The following MCF2L variants were observed in gnomAD, a reference collection of about 807,000 sequenced individuals.
The protein encoded by MCF2L is guanine nucleotide exchange factor DBS.
A neutral mutation model predicts 153.4 loss-of-function variants in MCF2L; 97 were observed. The ratio of observed to expected loss-of-function variants is 0.63; its 90% CI spans 0.54 to 0.75. The LOEUF is 0.75. Ranked by LOEUF, MCF2L falls within the 30% of genes least tolerant of loss-of-function variation. The pLI is 0.00. For synonymous variants in MCF2L, 659 were observed against 632.2 expected (o/e 1.04, Z -0.64); for missense variants, 1,347 against 1,495.2 (o/e 0.90, Z 1.64).
intron 2 of MCF2L, among the ~76,000 whole-genome samples, chr13:112,911,132 C>T (rs776132179): frequency 5.3e-5 from 8 of 152,200 alleles, no homozygotes; most frequent in Non-Finnish European, 7.3e-5. Context: ...TTCGGGAGCT[C>T]GTCCTGGCGG....
intron 5 of MCF2L, among the ~76,000 whole-genome samples, chr13:113,062,534 C>G (rs74115771): frequency 0.026 from 3,927 of 152,130 alleles, 151 homozygotes; most frequent in African/African-American, 0.08. Flanking sequence ...GTCATCCATG[C>G]CACAGGCTCC....
chr13:112,924,682 C>T (rs2140584034), intron 2 of MCF2L, among the ~76,000 whole-genome samples: 1 of 152,312 alleles, frequency 6.6e-6, no homozygotes, highest in South Asian at 2.1e-4. Context: ...AATGCATACA[C>T]TTAAGGAGCC....
At chr13:112,982,766 T>C (rs2082484133) in intron 1 of MCF2L, among the ~76,000 whole-genome samples, 1 of 152,124 alleles carries the variant, frequency 6.6e-6, no homozygotes, top group Admixed American at 6.5e-5. Context: ...TGGCGTGATG[T>C]CTGTGATCGT....
chr13:112,969,528 TGCG>T lies in MCF2L; in HGVS notation c.79+71_79+73del. 6.5e-7 allele frequency: 1 copy of T among 1,541,864 alleles called. No homozygotes were observed. Among genetic ancestry groups the T allele is most frequent in the Non-Finnish European group, 8.8e-7 (1 of 1,140,552 alleles). On this transcript the variant is annotated intron_variant, in intron 1 of 29. Coordinates refer to ENST00000535094, the MANE Select transcript of MCF2L (RefSeq NM_001112732.3). The surrounding 1 kb of genome is among the most constrained non-coding windows in gnomAD (Gnocchi z 4.8). ...CATCATGGGCTGAAATGTGGGGAAA[TGCG>T]TCTGATTTTTGTAAGCCGCCCTCGT...
At chr13:113,071,755 G>A (rs1001623222) in intron 9 of MCF2L, among the ~76,000 whole-genome samples, 2 of 152,156 alleles carry the variant, frequency 1.3e-5, no homozygotes, top group African/African-American at 4.8e-5. Context: ...GTACCACAAG[G>A]TCTTAATTGC....
rs917873933 is a variant in MCF2L, at chr13:112,941,589, A to C, written c.169+39218A>C. On this transcript the variant is annotated intron_variant, in intron 2 of 29. Transcript: ENST00000375608. The surrounding 1 kb of genome is among the most constrained non-coding windows in gnomAD (Gnocchi z 4.9). ...CTTGATGTTGTCATGGAGTTTTCTG[A>C]AATTGCAAAACCTCTGGATAAAGTT... is the stretch of plus-strand genomic sequence containing the variant. Among the ~76,000 whole-genome samples the C allele has an allele frequency of 5.9e-5, 9 of 151,970 alleles. No individual in the cohort carries two copies. The highest frequency in any genetic ancestry group is 7.4e-5 in the Non-Finnish European group (5 of 68,016).
chr13:113,064,022 G>A lies in MCF2L; in HGVS notation c.490-282G>A, dbSNP rs1046717229. On this transcript the variant is annotated intron_variant, in intron 5 of 29. Transcript: ENST00000535094. This position sits in a 1 kb window ranked among gnomAD's most constrained non-coding sequence, Gnocchi z 6.0. ...TCACAAAGCCTATGGCTAGTGTGCAGTGCCTGCCAAATAGCAGGGAAGGAG... is the reference window on the plus strand; with the variant it reads ...TCACAAAGCCTATGGCTAGTGTGCAATGCCTGCCAAATAGCAGGGAAGGAG... 6.7e-6 allele frequency: 3 copies of A among 448,092 alleles called. No homozygotes were observed. The highest frequency in any genetic ancestry group is 1.3e-5 in the Non-Finnish European group (3 of 236,728). The allele number at this position is 448,092 out of a possible 1,614,324, so 27.8% of individuals were successfully genotyped here.
intron 18 of MCF2L, among the ~76,000 whole-genome samples, chr13:113,084,387 C>T (rs1378690694): frequency 6.6e-6 from 1 of 152,180 alleles, no homozygotes; most frequent in East Asian, 1.9e-4. Flanking sequence ...GCCCCCAGAA[C>T]TTCCTGTCCC....
Position 113,070,566 on chromosome 13 carries a change from G to A in MCF2L, c.996+393G>A, listed in dbSNP as rs2032806271. On this transcript the variant is annotated intron_variant, in intron 9 of 29. Coordinates refer to ENST00000535094, the MANE Select transcript of MCF2L (RefSeq NM_001112732.3). The surrounding 1 kb of genome is among the most constrained non-coding windows in gnomAD (Gnocchi z 5.6). ...CAGTCATGAGGTGCACAGCGACACG[G>A]CCAGTGCAGCCAGACCCAGACGTCT... Among the ~76,000 whole-genome samples the A allele has an allele frequency of 6.6e-6, 1 of 152,204 alleles. No homozygotes were observed. Among genetic ancestry groups the A allele is most frequent in the Non-Finnish European group, 1.5e-5 (1 of 68,052 alleles).
chr13:112,902,653 G>A (rs963902316), intron 2 of MCF2L, among the ~76,000 whole-genome samples: 3 of 152,208 alleles, frequency 2.0e-5, no homozygotes, highest in Non-Finnish European at 4.4e-5. Context: ...GTTTGGCTCC[G>A]GTTAGAGATC....
chr13:113,022,695 T>G (rs1172573201), intron 2 of MCF2L, among the ~76,000 whole-genome samples: 1 of 152,092 alleles, frequency 6.6e-6, no homozygotes, highest in Non-Finnish European at 1.5e-5. Context: ...TTGCCACGAG[T>G]TCCTGATCAT....
At chr13:112,909,306 A>G in intron 2 of MCF2L, 1 of 779,690 alleles carries the variant, frequency 1.3e-6, no homozygotes, top group Non-Finnish European at 2.4e-6. Context: ...CTCGGGAGGC[A>G]CTCGGCAGTG....
At chr13:113,077,582 C>T (rs1183610739) in intron 13 of MCF2L, among the ~76,000 whole-genome samples, 4 of 152,198 alleles carry the variant, frequency 2.6e-5, no homozygotes, top group African/African-American at 9.6e-5. Flanking sequence ...GCTCCAGCCT[C>T]TCCACGGTCT....
intron 1 of MCF2L, among the ~76,000 whole-genome samples, chr13:112,988,215 C>T (rs1484917266): frequency 6.6e-6 from 1 of 151,720 alleles, no homozygotes; most frequent in Non-Finnish European, 1.5e-5. Context: ...ATGCATGATG[C>T]TCTCTGTGGT....
chr13:113,090,494 C>CT (rs1198373520), intron 26 of MCF2L: 1 of 984,640 alleles, frequency 1.0e-6, no homozygotes, highest in Non-Finnish European at 1.2e-6. Context: ...GGGTGCTGAC[C>CT]TTGCTGGCTG....
rs1047366422 is a variant in MCF2L at position 112,928,891 on chromosome 13, G to A, written c.169+26520G>A. Among the ~76,000 whole-genome samples, 3 of 152,196 alleles carry A rather than the reference G, an allele frequency of 2.0e-5. No homozygotes were observed. The East Asian group carries it at 5.8e-4, about 29-fold the overall frequency. On this transcript the variant is annotated intron_variant, in intron 2 of 29. Transcript: ENST00000375608. Reference sequence around the variant, plus strand: ...GCCACATACATGGATGGAGGTCTGCGCCTCCTCCCAGCTGACAGTCTGTGG... The same window carrying A: ...GCCACATACATGGATGGAGGTCTGCACCTCCTCCCAGCTGACAGTCTGTGG...
At chr13:112,963,740 G>C (rs1178232831) in intron 2 of MCF2L, among the ~76,000 whole-genome samples, 1 of 152,216 alleles carries the variant, frequency 6.6e-6, no homozygotes, top group Non-Finnish European at 1.5e-5. Flanking sequence ...GAGTCGCCCT[G>C]GAGTAGGAAC....
At chr13:113,090,735 G>C (rs553901484) in intron 26 of MCF2L, 4 of 985,352 alleles carry the variant, frequency 4.1e-6, no homozygotes, top group African/African-American at 1.7e-5. Context: ...CGTGGACAAG[G>C]GCTCTTTCCA....
At chr13:112,981,441 C>T (rs532174273) in intron 1 of MCF2L, among the ~76,000 whole-genome samples, 29 of 152,314 alleles carry the variant, frequency 1.9e-4, no homozygotes, top group South Asian at 1.2e-3. Flanking sequence ...ACATCGTCCA[C>T]GACATTCACA....
Sources: allele counts gnomAD v4.1 joint callset (sites outside exome capture counted in the v4.1 genomes callset), GRCh38; gene constraint gnomAD v4.1.1; non-coding constraint Gnocchi (gnomAD v3.1); transcripts MANE v1.5; gene names NCBI Gene and HGNC (gene_info 2026-07-23, HGNC 2026-07-21).